The following KIAA0930 variants were observed in gnomAD, a reference collection of about 807,000 sequenced individuals.
KIAA0930 encodes the protein uncharacterized protein KIAA0930.
KIAA0930 carries 24 observed loss-of-function variants against 43.9 expected under a neutral mutation model. The observed-to-expected ratio is 0.55, with a 90% confidence interval of 0.40 to 0.77. KIAA0930 has a LOEUF of 0.77. Ranked by LOEUF, KIAA0930 falls within the 30% of genes least tolerant of loss-of-function variation. The pLI is 0.00. For missense variants in KIAA0930, 461 were observed against 574.2 expected, an observed-to-expected ratio of 0.80 and a Z score of 2.02; for synonymous variants, 259 against 216.4, an observed-to-expected ratio of 1.20 and a Z score of -1.73.
In KIAA0930 at chr22:45,212,119, G is replaced by A. The variant is rs773752530; in HGVS notation, c.65-12C>T. ...ATCCTTGAAGCACCCTGCAGAGGGA[G>A]GCCAGACAGGAGTGAGGAAGGACGG... On this transcript the variant is annotated splice_polypyrimidine_tract_variant and intron_variant, in intron 1 of 9. Coordinates refer to ENST00000336156, the MANE Select transcript of KIAA0930 (RefSeq NM_001009880.2). The A allele has an allele frequency of 3.7e-6, 6 of 1,613,790 alleles. No individual in the cohort carries two copies. The highest frequency in any genetic ancestry group is 1.1e-5 in the South Asian group (1 of 91,058).
intron 2 of KIAA0930, among the ~76,000 whole-genome samples, chr22:45,208,977 A>T (rs927088096): frequency 5.3e-5 from 8 of 152,236 alleles, no homozygotes; most frequent in Admixed American, 2.0e-4. Context: ...CCAAAGGCAC[A>T]CAATGGGCTG....
chr22:45,219,013 G>A (rs986786977), intron 1 of KIAA0930, among the ~76,000 whole-genome samples: 1 of 151,604 alleles, frequency 6.6e-6, no homozygotes, highest in African/African-American at 2.4e-5. Context: ...TATTTTCCAT[G>A]GGGATGGTTC....
At chr22:45,200,228 G>C (rs1469956403) in intron 7 of KIAA0930, 193 bp from the exon 8 acceptor site, 1 of 491,066 alleles carries the variant, frequency 2.0e-6, no homozygotes, top group Non-Finnish European at 3.4e-6. Context: ...TCCAGCCCAG[G>C]GGCCAGCAGG....
chr22:45,205,769 A>T, intron 3 of KIAA0930, 24 bp downstream of exon 3: 1 of 1,546,016 alleles, frequency 6.5e-7, no homozygotes, highest in Non-Finnish European at 8.9e-7. Flanking sequence ...GCCAATCCGC[A>T]GCCCCACCCA....
chr22:45,205,366 CA>C, intron 4 of KIAA0930, 48 bp from the exon 5 acceptor site: 1 of 1,533,754 alleles, frequency 6.5e-7, no homozygotes, highest in Non-Finnish European at 9.0e-7. Context: ...ACCCGGCACA[CA>C]GGCCCAGAGC....
intron 1 of KIAA0930, among the ~76,000 whole-genome samples, chr22:45,215,565 T>C (rs920005014): frequency 1.3e-5 from 2 of 152,212 alleles, no homozygotes; most frequent in Non-Finnish European, 2.9e-5. Flanking sequence ...TTTCTGACAT[T>C]TCCCCGAGGT....
At position 45,240,714 on chromosome 22, in the gene KIAA0930, G is replaced by A; in HGVS notation, c.-11C>T. The A allele has an allele frequency of 1.7e-6, 2 of 1,171,558 alleles. No homozygotes were observed. Among genetic ancestry groups the A allele is most frequent in the South Asian group, 2.2e-5 (1 of 46,498 alleles). The allele number at this position is 1,171,558 out of a possible 1,614,324, so 72.6% of individuals were successfully genotyped here. A position where few individuals can be genotyped will look rare whatever the true frequency, so the allele number is the denominator to read the frequency against. The stretch of plus-strand genomic sequence containing the variant: ...TATGGCACGCAGCATGTGCTGCAGC[G>A]AGCGCTCCTCGGCCTCGGCGCCGCC... On this transcript the variant is annotated 5_prime_UTR_variant, in exon 1 of 10. Transcript: ENST00000336156.
At chr22:45,200,108 T>G in intron 7 of KIAA0930, 73 bp from the exon 8 acceptor site, 1 of 1,431,244 alleles carries the variant, frequency 7.0e-7, no homozygotes, top group African/African-American at 1.5e-5. Flanking sequence ...GCCCCTCCTA[T>G]CCCACCCTCA....
intron 2 of KIAA0930, among the ~76,000 whole-genome samples, chr22:45,210,827 G>GCCTGCCCGAGTGTGGCTCTAGTC (rs1555898934): frequency 2.9e-4 from 16 of 54,244 alleles, no homozygotes; most frequent in Admixed American, 8.4e-4. Context: ...CTGCACACCC[G>GCCTGCCCGAGTGTGGCTCTAGTC]CCACTGAAAC....
At chr22:45,230,014 C>T (rs1037179286) in intron 1 of KIAA0930, among the ~76,000 whole-genome samples, 6 of 152,154 alleles carry the variant, frequency 3.9e-5, no homozygotes, top group African/African-American at 1.2e-4. Flanking sequence ...GAGAATCACT[C>T]GAACCCAGGG....
rs1293340386 is a variant in KIAA0930 at position 45,219,589 on chromosome 22, T to TG, written c.65-7483_65-7482insC. Among the ~76,000 whole-genome samples, 120 of 135,392 alleles carry TG rather than the reference T, an allele frequency of 8.9e-4. 4 individuals are homozygous for TG. In the East Asian group the frequency reaches 0.021, roughly 23 times the overall value. The allele number at this position is 135,392 out of a possible 152,430, so 88.8% of individuals were successfully genotyped here. On this transcript the variant is annotated intron_variant, in intron 1 of 9. Transcript: ENST00000336156. ...GCAGGCCAAGAGGTGATTGTTTTTT[T>TG]TTTTTTTTTTTTTTTTTTTTTTAAG...
chr22:45,238,070 G>A (rs1304666535), intron 1 of KIAA0930, among the ~76,000 whole-genome samples: 2 of 151,784 alleles, frequency 1.3e-5, no homozygotes, highest in Non-Finnish European at 2.9e-5. Flanking sequence ...ATAGGCGCCC[G>A]CCACCACGCC....
At chr22:45,214,766 G>A (rs2083721222) in intron 1 of KIAA0930, among the ~76,000 whole-genome samples, 1 of 152,032 alleles carries the variant, frequency 6.6e-6, no homozygotes, top group Non-Finnish European at 1.5e-5. Context: ...AAAATTAGCT[G>A]GGCATGATGG....
At chr22:45,223,388 A>G (rs187948084) in intron 1 of KIAA0930, among the ~76,000 whole-genome samples, 1 of 152,352 alleles carries the variant, frequency 6.6e-6, no homozygotes, top group East Asian at 1.9e-4. Context: ...AGGAAGCCAG[A>G]TGGTCAGGGT....
At chr22:45,203,518 G>C (rs2083608495) in intron 6 of KIAA0930, among the ~76,000 whole-genome samples, 1 of 152,166 alleles carries the variant, frequency 6.6e-6, no homozygotes, top group African/African-American at 2.4e-5. Flanking sequence ...AGCACTCCCA[G>C]GGCCAGTCGC....
Position 45,213,229 on chromosome 22 carries a change from C to T in KIAA0930, c.65-1122G>A, listed in dbSNP as rs2147750303. 1.3e-5 allele frequency: 14 copies of T among 1,075,098 alleles called. No homozygotes were observed. In the South Asian group the frequency reaches 1.9e-4, roughly 14 times the overall value. 66.6% of individuals were successfully genotyped at this position (1,075,098 alleles called of 1,614,324 possible). The stretch of plus-strand genomic sequence containing the variant: ...GTCAGCCACAACACTAACCAAAGAA[C>T]CAGGACTCACAGCCAGCCCCAGCCC... On this transcript the variant is annotated intron_variant, in intron 1 of 9. Coordinates refer to ENST00000336156, the MANE Select transcript of KIAA0930 (RefSeq NM_001009880.2).
chr22:45,208,968 C>G (rs2147745406), intron 2 of KIAA0930, among the ~76,000 whole-genome samples: 1 of 152,322 alleles, frequency 6.6e-6, no homozygotes, highest in East Asian at 1.9e-4. Context: ...CCCCTCCTGC[C>G]AAAGGCACAC....
rs1484398354 is a variant in KIAA0930 at position 45,195,817 on chromosome 22, C to T, written c.*1359G>A. Reference sequence around the variant, plus strand: ...CAGCCCCATTTCACAGGTGGGCAAACTGAGGCAGAATGAAATGCAATAGCT... The same window carrying T: ...CAGCCCCATTTCACAGGTGGGCAAATTGAGGCAGAATGAAATGCAATAGCT... On this transcript the variant is annotated 3_prime_UTR_variant, in exon 10 of 10. Coordinates refer to ENST00000336156, the MANE Select transcript of KIAA0930 (RefSeq NM_001009880.2). 1 of 152,602 alleles carries T rather than the reference C, an allele frequency of 6.6e-6. No homozygotes were observed. The highest frequency in any genetic ancestry group is 2.4e-5 in the African/African-American group (1 of 41,422). The allele number at this position is 152,602 out of a possible 1,614,324, so 9.5% of individuals were successfully genotyped here. A position where few individuals can be genotyped will look rare whatever the true frequency, so the allele number is the denominator to read the frequency against.
At chr22:45,239,083 C>T (rs1044555803) in intron 1 of KIAA0930, among the ~76,000 whole-genome samples, 2 of 152,170 alleles carry the variant, frequency 1.3e-5, no homozygotes, top group African/African-American at 4.8e-5. Context: ...AGCCTCCTTG[C>T]GGGAGGGGCT....
Sources: allele counts gnomAD v4.1 joint callset (sites outside exome capture counted in the v4.1 genomes callset), GRCh38; gene constraint gnomAD v4.1.1; transcripts MANE v1.5; gene names NCBI Gene and HGNC (gene_info 2026-07-23, HGNC 2026-07-21).